ESR1: variants seen among roughly 807,000 people sequenced by gnomAD.
ESR1 encodes estrogen receptor.
In ESR1, 12 loss-of-function variants were observed where a neutral mutation model predicts 52.7. The ratio of observed to expected loss-of-function variants is 0.23; its 90% CI spans 0.15 to 0.37. The LOEUF (loss-of-function observed/expected upper bound fraction) is 0.37. Among genes scored for constraint, ESR1 ranks in the 10% least tolerant of loss-of-function variants. The probability of loss-of-function intolerance (pLI) is 1.00; values close to 1 mark genes in which losing one functional copy is unlikely to be tolerated. For missense variants in ESR1, 584 were observed against 779.7 expected, an observed-to-expected ratio of 0.75 and a Z score of 2.99; for synonymous variants, 305 against 316.8, an observed-to-expected ratio of 0.96 and a Z score of 0.39.
At chr6:152,128,190 A>C (rs1432609339) in exon 7 of ESR1, 1 of 152,254 alleles carries the variant, frequency 6.6e-6, no homozygotes, top group African/African-American at 2.4e-5. Flanking sequence ...GTAGGGAAAA[A>C]GTACCAGCTA....
rs553561689 is a variant in ESR1 at position 152,101,768 on chromosome 6, G to A, written c.*2802G>A. 2.6e-4 allele frequency: 60 copies of A among 229,958 alleles called. No individual in the cohort carries two copies. Among genetic ancestry groups the A allele is most frequent in the Admixed American group, 6.8e-4 (12 of 17,688 alleles). 14.2% of individuals were successfully genotyped at this position (229,958 alleles called of 1,614,324 possible). ...AGTGGATTCAGGAATCTGGGGAATG[G>A]CAAATATATTAAGAAGAGTATTGAA... On this transcript the variant is annotated 3_prime_UTR_variant, in exon 8 of 8. Coordinates refer to ENST00000206249, the MANE Select transcript of ESR1 (RefSeq NM_000125.4).
At chr6:151,941,105 T>G (rs1457705381) in intron 3 of ESR1, among the ~76,000 whole-genome samples, 1 of 152,230 alleles carries the variant, frequency 6.6e-6, no homozygotes, top group Non-Finnish European at 1.5e-5. Flanking sequence ...GCATATTATT[T>G]TTAAAGTACT....
intron 3 of ESR1, among the ~76,000 whole-genome samples, chr6:151,926,457 A>G (rs1328793872): frequency 6.6e-6 from 1 of 152,166 alleles, no homozygotes; most frequent in Non-Finnish European, 1.5e-5. Context: ...TCAATATTGA[A>G]TAATATGAAC....
At chr6:151,932,408 G>A (rs1159319205) in intron 3 of ESR1, among the ~76,000 whole-genome samples, 2 of 124,978 alleles carry the variant, frequency 1.6e-5, no homozygotes, top group African/African-American at 3.2e-5. Context: ...TAGGTTGCCT[G>A]TTCACTCTGA....
chr6:152,106,498 C>T (rs2051068952), downstream of ESR1, among the ~76,000 whole-genome samples: 1 of 152,136 alleles, frequency 6.6e-6, no homozygotes, highest in Non-Finnish European at 1.5e-5. Context: ...ATTAATTCCA[C>T]CTTCATTTTT....
In ESR1 at chr6:151,965,231, G is replaced by GTA. The variant is rs138554820; in HGVS notation, c.1096+20735_1096+20736dup. Among the ~76,000 whole-genome samples, 816 of 151,480 alleles carry GTA rather than the reference G, an allele frequency of 5.4e-3. 3 individuals carry two copies. Among genetic ancestry groups the GTA allele is most frequent in the East Asian group, 0.014 (71 of 5,160 alleles). On this transcript the variant is annotated intron_variant, in intron 4 of 7. Coordinates refer to ENST00000206249, the MANE Select transcript of ESR1 (RefSeq NM_000125.4). ...GCAGTGACTGTCTTTCCAAACCATA[G>GTA]TATATATATATATCTCTAAGAATTT...
In ESR1 at chr6:151,712,357, G is replaced by GT. The variant is rs1259375530; in HGVS notation, c.-71+10358dup. ...TTGGTTCCATATGAAATTTAAAGTA[G>GT]TTTTTTCTAATTCTATGAAGAAAGT... On this transcript the variant is annotated intron_variant, in intron 2 of 2. Transcript: ENST00000404742. Among the ~76,000 whole-genome samples, 4 of 152,242 alleles carry GT rather than the reference G, an allele frequency of 2.6e-5. No homozygotes were observed. The East Asian group carries it at 7.7e-4, about 29-fold the overall frequency.
chr6:151,706,906 T>C (rs919816713), intron 2 of ESR1, among the ~76,000 whole-genome samples: 1 of 152,224 alleles, frequency 6.6e-6, no homozygotes, highest in African/African-American at 2.4e-5. Context: ...AGCTGCCTAC[T>C]GGAAGGATTT....
chr6:151,771,767 C>A (rs1366330378), intron 2 of ESR1, among the ~76,000 whole-genome samples: 1 of 152,010 alleles, frequency 6.6e-6, no homozygotes, highest in Admixed American at 6.6e-5. Flanking sequence ...TCACTTTTTA[C>A]ATTATACTTT....
chr6:151,978,493 A>C (rs2128664158), intron 4 of ESR1, among the ~76,000 whole-genome samples: 1 of 152,312 alleles, frequency 6.6e-6, no homozygotes, highest in East Asian at 1.9e-4. Context: ...GAAGTATTGA[A>C]AGACACCAAT....
At chr6:151,803,874 G>T (rs920499027), upstream of ESR1, among the ~76,000 whole-genome samples, 1 of 152,128 alleles carries the variant, frequency 6.6e-6, no homozygotes, top group Non-Finnish European at 1.5e-5. Context: ...GCACAGACAC[G>T]GGGAAGTTGA....
chr6:151,872,750 C>T (rs1207080534), intron 2 of ESR1, among the ~76,000 whole-genome samples: 1 of 152,138 alleles, frequency 6.6e-6, no homozygotes, highest in Admixed American at 6.5e-5. Context: ...CCTACCAAGA[C>T]AAAGCATCAC....
At chr6:151,926,337 T>G (rs1366168745) in intron 3 of ESR1, among the ~76,000 whole-genome samples, 1 of 152,192 alleles carries the variant, frequency 6.6e-6, no homozygotes, top group Non-Finnish European at 1.5e-5. Flanking sequence ...TCTTTTGCCC[T>G]TCTTTAAACA....
At chr6:151,665,097 A>G (rs1232230485) in intron 1 of ESR1, among the ~76,000 whole-genome samples, 1 of 152,200 alleles carries the variant, frequency 6.6e-6, no homozygotes, top group East Asian at 1.9e-4. Context: ...AGTTTTGTGA[A>G]CACCAAAATT....
At chr6:152,074,259 C>T (rs1345984346) in intron 6 of ESR1, among the ~76,000 whole-genome samples, 1 of 152,210 alleles carries the variant, frequency 6.6e-6, no homozygotes, top group Non-Finnish European at 1.5e-5. Flanking sequence ...CCTCCCTCCA[C>T]CCCATTCCTG....
At chr6:151,926,662 G>T (rs1402532699) in intron 3 of ESR1, among the ~76,000 whole-genome samples, 2 of 151,966 alleles carry the variant, frequency 1.3e-5, no homozygotes, top group African/African-American at 4.8e-5. Context: ...TGATATGTAG[G>T]AAAGAAATTG....
At chr6:152,026,996 C>T (rs558534968) in intron 5 of ESR1, among the ~76,000 whole-genome samples, 7 of 148,590 alleles carry the variant, frequency 4.7e-5, no homozygotes, top group East Asian at 2.0e-4. Context: ...GGTGGAGTTT[C>T]GCTCTTGTTG....
chr6:151,785,703 A>T (rs1270496916), intron 2 of ESR1, among the ~76,000 whole-genome samples: 1 of 152,136 alleles, frequency 6.6e-6, no homozygotes, highest in African/African-American at 2.4e-5. Flanking sequence ...CTGGGTCGTC[A>T]CTCTGGGCAA....
intron 1 of ESR1, among the ~76,000 whole-genome samples, chr6:151,678,469 T>C (rs1778332054): frequency 6.8e-6 from 1 of 146,724 alleles, no homozygotes; most frequent in African/African-American, 2.5e-5. Context: ...CGAGACTCCA[T>C]ATTAAAAAAA....
Sources: allele counts gnomAD v4.1 joint callset (sites outside exome capture counted in the v4.1 genomes callset), GRCh38; gene constraint gnomAD v4.1.1; transcripts MANE v1.5; gene names NCBI Gene and HGNC (gene_info 2026-07-23, HGNC 2026-07-21).